The following GAB2 variants were observed in gnomAD, a reference collection of about 807,000 sequenced individuals.
The protein encoded by GAB2 is GRB2-associated-binding protein 2.
A neutral mutation model predicts 65.5 loss-of-function variants in GAB2; 26 were observed. The observed-to-expected ratio is 0.40, with a 90% CI of 0.29 to 0.55. The LOEUF is 0.55. GAB2 is among the 20% of genes least tolerant of loss of function. The pLI, the probability that GAB2 is intolerant of heterozygous loss-of-function variation, is 0.53. For missense variants in GAB2, 884 were observed against 875.8 expected, an observed-to-expected ratio of 1.01 and a Z score of -0.12; for synonymous variants, 321 against 329.6, an observed-to-expected ratio of 0.97 and a Z score of 0.28.
At chr11:78,264,688 G>A (rs920529796) in intron 2 of GAB2, among the ~76,000 whole-genome samples, 6 of 152,082 alleles carry the variant, frequency 3.9e-5, no homozygotes, top group East Asian at 1.9e-4. Flanking sequence ...GATTACAGGC[G>A]TGAGCCACAG....
At chr11:78,243,692 A>T (rs1200405256) in intron 3 of GAB2, among the ~76,000 whole-genome samples, 2 of 151,066 alleles carry the variant, frequency 1.3e-5, no homozygotes, top group African/African-American at 2.4e-5. Flanking sequence ...TACAAAAAAA[A>T]AATTAGCTGG....
At chr11:78,220,928 C>T (rs749937638) in intron 8 of GAB2, among the ~76,000 whole-genome samples, 19 of 152,204 alleles carry the variant, frequency 1.2e-4, no homozygotes, top group Non-Finnish European at 2.5e-4. Flanking sequence ...TGTGAAACTC[C>T]CACCTGTGGC....
chr11:78,348,632 G>C (rs1159525074), intron 1 of GAB2, among the ~76,000 whole-genome samples: 1 of 152,198 alleles, frequency 6.6e-6, no homozygotes, highest in African/African-American at 2.4e-5. Context: ...CACATACACT[G>C]TTGATAGGAA....
chr11:78,355,346 C>A (rs1425534928), intron 1 of GAB2, among the ~76,000 whole-genome samples: 1 of 152,154 alleles, frequency 6.6e-6, no homozygotes, highest in Admixed American at 6.5e-5. Flanking sequence ...CAACTGTAAC[C>A]TTCTGTTATC....
At chr11:78,287,416 C>T (rs1056557120) in intron 1 of GAB2, among the ~76,000 whole-genome samples, 4 of 152,002 alleles carry the variant, frequency 2.6e-5, no homozygotes, top group African/African-American at 4.8e-5. Context: ...TGGCTGAGAT[C>T]ACAGGTGCAT....
chr11:78,260,682 G>C (rs1865705848), intron 2 of GAB2, among the ~76,000 whole-genome samples: 5 of 152,126 alleles, frequency 3.3e-5, no homozygotes, highest in Admixed American at 3.3e-4. Flanking sequence ...ATGTTGGCCA[G>C]GCTGGTCTCA....
intron 1 of GAB2, among the ~76,000 whole-genome samples, chr11:78,365,671 A>T (rs2134721892): frequency 6.6e-6 from 1 of 152,298 alleles, no homozygotes; most frequent in South Asian, 2.1e-4. Context: ...TAGGAATGGA[A>T]TCTGGGTGAG....
intron 1 of GAB2, among the ~76,000 whole-genome samples, chr11:78,400,208 C>G (rs991518500): frequency 1.3e-5 from 2 of 152,206 alleles, no homozygotes; most frequent in African/African-American, 4.8e-5. Flanking sequence ...ACCTCTTTCT[C>G]ATTTTGAACA....
chr11:78,271,143 C>G (rs1306093359), intron 2 of GAB2, among the ~76,000 whole-genome samples: 1 of 152,226 alleles, frequency 6.6e-6, no homozygotes, highest in South Asian at 2.1e-4. Flanking sequence ...TCAAAGCTCT[C>G]TACTGAGAGA....
chr11:78,354,404 A>G (rs1006165267), intron 1 of GAB2, among the ~76,000 whole-genome samples: 1 of 152,092 alleles, frequency 6.6e-6, no homozygotes, highest in Admixed American at 6.6e-5. Flanking sequence ...GTACTGTATC[A>G]TATCATATGT....
At chr11:78,285,113 T>G (rs1427906081) in intron 1 of GAB2, among the ~76,000 whole-genome samples, 1 of 152,252 alleles carries the variant, frequency 6.6e-6, no homozygotes, top group African/African-American at 2.4e-5. Flanking sequence ...TGCTGCAGGT[T>G]CACACATAGA....
chr11:78,251,111 AT>A (rs71675034), intron 2 of GAB2, among the ~76,000 whole-genome samples: 3,472 of 136,620 alleles, frequency 0.025, 138 homozygotes, highest in African/African-American at 0.1. Flanking sequence ...ACAAGTTGAA[AT>A]TTAAAAAAAA....
chr11:78,237,173 T>C lies in GAB2; in HGVS notation c.621-10122A>G, dbSNP rs148350566. ...ACCAGTAAAACCATCTGGGCATAGT[T>C]TTCTAGGTATTTGTCCAAGAGAAAT... On this transcript the variant is annotated intron_variant, in intron 3 of 9. Transcript: ENST00000361507. 1.4e-4 allele frequency among the ~76,000 whole-genome samples: 22 copies of C among 152,296 alleles called. No individual in the cohort carries two copies. In the East Asian group the frequency reaches 4.0e-3, roughly 28 times the overall value.
At chr11:78,225,268 C>T in intron 4 of GAB2, 66 bp from the exon 5 acceptor site, 1 of 1,051,726 alleles carries the variant, frequency 9.5e-7, no homozygotes, top group Non-Finnish European at 1.5e-6. Flanking sequence ...TACCCATACC[C>T]TCACCAGTGT....
At chr11:78,251,425 C>T (rs867903007) in intron 2 of GAB2, among the ~76,000 whole-genome samples, 6 of 152,248 alleles carry the variant, frequency 3.9e-5, no homozygotes, top group Middle Eastern at 6.8e-3. Flanking sequence ...GTATTAAGGA[C>T]GGATAATAGC....
intron 4 of GAB2, 125 bp from the exon 5 acceptor site, chr11:78,225,327 A>C (rs1433289298): frequency 6.4e-6 from 4 of 622,522 alleles, no homozygotes; most frequent in African/African-American, 3.7e-5. Flanking sequence ...TCAACCCCAA[A>C]TGATAAGGAA....
chr11:78,219,488 G>C (rs979921168), intron 9 of GAB2, 73 bp from the exon 10 acceptor site: 1 of 1,397,972 alleles, frequency 7.2e-7, no homozygotes, highest in South Asian at 1.2e-5. Flanking sequence ...AGGTGGGCAC[G>C]GGATCTTCCT....
intron 3 of GAB2, among the ~76,000 whole-genome samples, chr11:78,243,479 A>C (rs1865202405): frequency 6.6e-6 from 1 of 151,980 alleles, no homozygotes; most frequent in Non-Finnish European, 1.5e-5. Flanking sequence ...AAATAGATAA[A>C]GGAATAAAAT....
At chr11:78,352,627 C>T (rs997037802) in intron 1 of GAB2, among the ~76,000 whole-genome samples, 2 of 152,162 alleles carry the variant, frequency 1.3e-5, no homozygotes, top group Non-Finnish European at 2.9e-5. Context: ...AATCCCCTCC[C>T]TTTGCCCCAG....
Sources: allele counts gnomAD v4.1 joint callset (sites outside exome capture counted in the v4.1 genomes callset), GRCh38; gene constraint gnomAD v4.1.1; transcripts MANE v1.5; gene names NCBI Gene and HGNC (gene_info 2026-07-23, HGNC 2026-07-21).